The following ERC2 variants were observed in gnomAD, a reference collection of about 807,000 sequenced individuals.
ERC2 encodes the protein ELKS/RAB6-interacting/CAST family member 2.
ERC2 carries 42 observed loss-of-function variants against 114.8 expected under a neutral mutation model. The observed-to-expected ratio is 0.37, with a 90% CI of 0.29 to 0.47. The LOEUF (loss-of-function observed/expected upper bound fraction) is 0.47. ERC2 is among the 20% of genes least tolerant of loss of function. ERC2 has a pLI of 0.99. For synonymous variants in ERC2, 454 were observed against 425.5 expected, an observed-to-expected ratio of 1.07 and a Z score of -0.82; for missense variants, 939 against 1,150.7, an observed-to-expected ratio of 0.82 and a Z score of 2.66.
At chr3:56,381,500 C>T (rs1180650026) in intron 2 of ERC2, among the ~76,000 whole-genome samples, 1 of 151,998 alleles carries the variant, frequency 6.6e-6, no homozygotes, top group Non-Finnish European at 1.5e-5. Flanking sequence ...TAAGTGGATC[C>T]TCACAGTTCA....
At chr3:56,439,053 T>C (rs746677250) in intron 1 of ERC2, among the ~76,000 whole-genome samples, 13 of 152,230 alleles carry the variant, frequency 8.5e-5, no homozygotes, top group Non-Finnish European at 1.6e-4. Flanking sequence ...GTATCATAGA[T>C]AGATTGAGAA....
intron 2 of ERC2, among the ~76,000 whole-genome samples, chr3:56,380,168 A>G (rs2059695247): frequency 6.6e-6 from 1 of 152,158 alleles, no homozygotes; most frequent in Non-Finnish European, 1.5e-5. Context: ...TGAGTGTTTC[A>G]TATACATTAT....
chr3:56,012,308 C>T (rs2073006177), intron 8 of ERC2, among the ~76,000 whole-genome samples: 1 of 152,172 alleles, frequency 6.6e-6, no homozygotes, highest in Non-Finnish European at 1.5e-5. Flanking sequence ...TTCTAAAGCT[C>T]CAAAAGGACC....
chr3:55,747,916 A>G (rs1213642898), intron 14 of ERC2, among the ~76,000 whole-genome samples: 1 of 152,238 alleles, frequency 6.6e-6, no homozygotes, highest in African/African-American at 2.4e-5. Flanking sequence ...ATAAAAAGTT[A>G]TATTTGTTAG....
chr3:56,221,025 A>T (rs1471631184), intron 3 of ERC2, among the ~76,000 whole-genome samples: 1 of 152,212 alleles, frequency 6.6e-6, no homozygotes, highest in East Asian at 1.9e-4. Flanking sequence ...CATATTTCTA[A>T]GTTAAATATA....
At chr3:55,796,835 T>C (rs1198713813) in intron 14 of ERC2, among the ~76,000 whole-genome samples, 2 of 152,224 alleles carry the variant, frequency 1.3e-5, no homozygotes, top group African/African-American at 4.8e-5. Context: ...ATATTTACTA[T>C]CTGGCCTTTT....
chr3:56,376,333 T>C (rs995941189), intron 2 of ERC2, among the ~76,000 whole-genome samples: 1 of 152,086 alleles, frequency 6.6e-6, no homozygotes, highest in African/African-American at 2.4e-5. Context: ...GAGCATTTAC[T>C]AACAAGGCCC....
Position 56,434,917 on chromosome 3 carries a change from T to G in ERC2, c.91A>C (p.Arg31=). The G allele has an allele frequency of 6.2e-7, 1 of 1,613,914 alleles. No individual in the cohort carries two copies. Among genetic ancestry groups the G allele is most frequent in the Non-Finnish European group, 8.5e-7 (1 of 1,179,878 alleles). ...CCTCCACCTCCCCCACTACTTGTTC[T>G]TCGGTGGCCCAAACGAGGAGACCTT... The part of the protein sequence containing the change: ...LPRSPRLGHR[R]TSSGGGGGTG... The change falls in exon 2 of 18, where the codon AGA becomes CGA. Residue 31 remains arginine (R), a synonymous_variant. Coordinates refer to ENST00000288221, the MANE Select transcript of ERC2 (RefSeq NM_015576.3).
intron 1 of ERC2, among the ~76,000 whole-genome samples, chr3:56,445,191 C>T (rs2062503871): frequency 6.6e-6 from 1 of 152,140 alleles, no homozygotes; most frequent in Non-Finnish European, 1.5e-5. Context: ...GGACATGTAC[C>T]CTCCAGTTTG....
intron 2 of ERC2, among the ~76,000 whole-genome samples, chr3:56,315,879 A>G (rs1216956678): frequency 1.3e-5 from 2 of 152,284 alleles, no homozygotes; most frequent in East Asian, 3.9e-4. Flanking sequence ...AGAAAAAAAG[A>G]AAGTATCTAA....
intron 12 of ERC2, among the ~76,000 whole-genome samples, chr3:55,951,173 T>C (rs1369232538): frequency 2.0e-5 from 3 of 152,236 alleles, no homozygotes; most frequent in Non-Finnish European, 2.9e-5. Flanking sequence ...CCCAGGCTCA[T>C]AGGGCCTCTG....
At chr3:55,983,348 T>C (rs2070314959) in intron 12 of ERC2, among the ~76,000 whole-genome samples, 1 of 152,218 alleles carries the variant, frequency 6.6e-6, no homozygotes, top group East Asian at 1.9e-4. Flanking sequence ...TCACAAATAG[T>C]TACTAGAAAT....
Position 56,139,690 on chromosome 3 carries a change from A to G in ERC2, c.1306-14T>C. On this transcript the variant is annotated splice_polypyrimidine_tract_variant and intron_variant, in intron 5 of 17. Transcript: ENST00000288221. ...CAGCTGATCAATCTGCAAAACAACAACAAAATTGCAAGAAATTAGAAATTG... is the reference window on the plus strand; with the variant it reads ...CAGCTGATCAATCTGCAAAACAACAGCAAAATTGCAAGAAATTAGAAATTG... 2 of 1,579,424 alleles carry G rather than the reference A, an allele frequency of 1.3e-6. No individual in the cohort carries two copies. Among genetic ancestry groups the G allele is most frequent in the Non-Finnish European group, 8.6e-7 (1 of 1,161,160 alleles).
At chr3:56,330,789 G>A (rs1281362918) in intron 2 of ERC2, among the ~76,000 whole-genome samples, 1 of 152,130 alleles carries the variant, frequency 6.6e-6, no homozygotes, top group Non-Finnish European at 1.5e-5. Context: ...CAGGCATCTT[G>A]GATAAGGGAT....
intron 3 of ERC2, among the ~76,000 whole-genome samples, chr3:56,279,480 A>G (rs533461856): frequency 1.6e-4 from 25 of 152,326 alleles, no homozygotes; most frequent in African/African-American, 5.1e-4. Flanking sequence ...AGGATGGAGG[A>G]GGAAGGAAGC....
chr3:55,955,757 T>C (rs750996971), intron 12 of ERC2, among the ~76,000 whole-genome samples: 29 of 152,192 alleles, frequency 1.9e-4, no homozygotes, highest in Non-Finnish European at 3.7e-4. Flanking sequence ...GACAAATAAG[T>C]AGATGCATGT....
At chr3:56,195,740 T>C (rs1003591569) in intron 3 of ERC2, among the ~76,000 whole-genome samples, 11 of 151,906 alleles carry the variant, frequency 7.2e-5, no homozygotes, top group Non-Finnish European at 1.3e-4. Flanking sequence ...GGCAGGAAGA[T>C]CACTTGAGCC....
chr3:56,132,878 T>C (rs1210241045), intron 6 of ERC2, among the ~76,000 whole-genome samples: 9 of 152,214 alleles, frequency 5.9e-5, no homozygotes, highest in Non-Finnish European at 1.3e-4. Flanking sequence ...AAATATTATA[T>C]GATAAACTTT....
chr3:56,215,847 A>C (rs2049431197), intron 3 of ERC2, among the ~76,000 whole-genome samples: 1 of 152,210 alleles, frequency 6.6e-6, no homozygotes, highest in African/African-American at 2.4e-5. Flanking sequence ...ACTCACTCAA[A>C]ACCGCTCAAC....
Sources: gnomAD v4.1 joint callset for allele counts (sites outside exome capture counted in the v4.1 genomes callset) on GRCh38, gnomAD v4.1.1 for gene constraint, MANE v1.5 for transcripts, NCBI Gene and HGNC (gene_info 2026-07-23, HGNC 2026-07-21) for gene names.